The following EFL1 variants were observed in gnomAD, a reference collection of about 807,000 sequenced individuals.
The protein encoded by EFL1 is elongation factor like GTPase 1.
In EFL1, 76 loss-of-function variants were observed where a neutral mutation model predicts 126.7. That is an observed-to-expected ratio of 0.60 (90% CI 0.50 to 0.73). The LOEUF is 0.73. Ranked by LOEUF, EFL1 falls within the 30% of genes least tolerant of loss-of-function variation. The pLI, the probability that EFL1 is intolerant of heterozygous loss-of-function variation, is 0.00. For synonymous variants in EFL1, 410 were observed against 448.4 expected (o/e 0.91, Z 1.08); for missense variants, 1,128 against 1,343.2 (o/e 0.84, Z 2.50).
chr15:82,130,995 A>AC (rs1384653849), intron 19 of EFL1, among the ~76,000 whole-genome samples: 3 of 152,122 alleles, frequency 2.0e-5, no homozygotes, highest in Non-Finnish European at 2.9e-5. Flanking sequence ...AGCCTGGGCG[A>AC]CAGAGTGAGG....
intron 18 of EFL1, among the ~76,000 whole-genome samples, chr15:82,147,026 G>A (rs140975219): frequency 1.2e-4 from 18 of 152,206 alleles, no homozygotes; most frequent in Non-Finnish European, 1.8e-4. Flanking sequence ...GTCACATGCC[G>A]TGTCCAGGTG....
At chr15:82,207,192 T>C (rs753829879) in intron 15 of EFL1, among the ~76,000 whole-genome samples, 1 of 151,410 alleles carries the variant, frequency 6.6e-6, no homozygotes, top group Non-Finnish European at 1.5e-5. Context: ...ATTTTAAAAA[T>C]TAACCTAGTA....
rs772190046 is a variant in EFL1, at chr15:82,138,693, G to A, written c.3139C>T (p.Leu1047=). 1 of 1,613,964 alleles carries A rather than the reference G, an allele frequency of 6.2e-7. No homozygotes were observed. ...CTGAATACTAGTTGTGGGCTGGCCAGGCCACTTGTCCTCTTCCTGATTTCA... is the reference window on the plus strand; with the variant it reads ...CTGAATACTAGTTGTGGGCTGGCCAAGCCACTTGTCCTCTTCCTGATTTCA... ...ADEIRKRTSG[L]ASPQLVFSHW... is the part of the protein sequence containing the mutation. The change falls in exon 19 of 20, where the codon CTG becomes TTG. Residue 1047 remains leucine (L), a synonymous_variant. Coordinates refer to ENST00000268206, the MANE Select transcript of EFL1 (RefSeq NM_024580.6).
intron 18 of EFL1, among the ~76,000 whole-genome samples, chr15:82,150,120 A>G (rs2073891694): frequency 6.6e-6 from 1 of 152,208 alleles, no homozygotes; most frequent in Non-Finnish European, 1.5e-5. Context: ...ACTGTATATG[A>G]CATGCTGTAT....
chr15:82,175,739 G>C (rs1462734301), intron 15 of EFL1, among the ~76,000 whole-genome samples: 1 of 152,088 alleles, frequency 6.6e-6, no homozygotes, highest in Non-Finnish European at 1.5e-5. Context: ...TGTAATCCCA[G>C]CTACTCGGAA....
chr15:82,132,586 T>C (rs2073664113), intron 19 of EFL1, among the ~76,000 whole-genome samples: 1 of 147,006 alleles, frequency 6.8e-6, no homozygotes, highest in Non-Finnish European at 1.5e-5. Flanking sequence ...GTAATAACTC[T>C]GGTGGGTGAC....
chr15:82,165,152 C>A (rs1309158902), intron 15 of EFL1, among the ~76,000 whole-genome samples: 1 of 151,956 alleles, frequency 6.6e-6, no homozygotes, highest in African/African-American at 2.4e-5. Flanking sequence ...GTCTATAGTC[C>A]CAGGTACTTG....
intron 15 of EFL1, among the ~76,000 whole-genome samples, chr15:82,197,878 T>G (rs2074424463): frequency 6.6e-6 from 1 of 152,034 alleles, no homozygotes; most frequent in Non-Finnish European, 1.5e-5. Context: ...CCTGCCTGCC[T>G]ACCTGCTGCC....
intron 6 of EFL1, among the ~76,000 whole-genome samples, chr15:82,239,405 G>C (rs1359849127): frequency 1.3e-5 from 2 of 152,080 alleles, no homozygotes; most frequent in Non-Finnish European, 2.9e-5. Flanking sequence ...CAAAGCGCTG[G>C]GATTACAGGT....
chr15:82,148,765 TGCC>T, intron 18 of EFL1, among the ~76,000 whole-genome samples: 1 of 152,186 alleles, frequency 6.6e-6, no homozygotes, highest in East Asian at 1.9e-4. Context: ...GTAAGGTAGG[TGCC>T]AGACTATAGG....
Position 82,151,960 on chromosome 15 carries a change from C to T in EFL1, c.2494G>A (p.Gly832Arg), listed in dbSNP as rs765475176. The change falls in exon 18 of 20, where the codon GGG (glycine) becomes AGG (arginine). Residue 832 changes from glycine (G) to arginine (R), a missense_variant. Coordinates refer to ENST00000268206, the MANE Select transcript of EFL1 (RefSeq NM_024580.6). ...CTTTTATTGACTAGTATGTTGGGCC[C>T]ACATTTTCTTGGGCCAAATGACCAG... ...QIWSFGPRKC[G>R]PNILVNKSED... 4 of 1,613,996 alleles carry T rather than the reference C, an allele frequency of 2.5e-6. No individual in the cohort carries two copies. In the South Asian group the frequency reaches 3.3e-5, roughly 13 times the overall value.
At chr15:82,170,934 C>A (rs2074129045) in intron 15 of EFL1, among the ~76,000 whole-genome samples, 1 of 152,164 alleles carries the variant, frequency 6.6e-6, no homozygotes, top group Non-Finnish European at 1.5e-5. Context: ...ACACAAGATT[C>A]AGTAAGTCAG....
intron 4 of EFL1, among the ~76,000 whole-genome samples, chr15:82,246,391 T>A (rs2074973090): frequency 6.6e-6 from 1 of 152,104 alleles, no homozygotes; most frequent in Admixed American, 6.5e-5. Flanking sequence ...AGCATCACCC[T>A]GGAGAGAAGG....
intron 15 of EFL1, among the ~76,000 whole-genome samples, chr15:82,188,878 A>T (rs1162815931): frequency 2.0e-5 from 3 of 150,158 alleles, no homozygotes; most frequent in Admixed American, 2.0e-4. Context: ...ATCAATGGTA[A>T]AGTTTGTGAG....
At position 82,184,288 on chromosome 15, in the gene EFL1, G is replaced by GGTAA. The variant is rs199903027; in HGVS notation, c.1751-20308_1751-20305dup. Among the ~76,000 whole-genome samples, 839 of 152,194 alleles carry GGTAA rather than the reference G, an allele frequency of 5.5e-3. 14 individuals carry two copies. The highest frequency in any genetic ancestry group is 0.02 in the African/African-American group (811 of 41,510). On this transcript the variant is annotated intron_variant, in intron 15 of 19. Transcript: ENST00000268206. ...CCACAGGAAAACTGCAGAAGCATGA[G>GGTAA]GTAAGTAATAAAGCAAGTTCAAACC...
At chr15:82,158,471 T>C (rs147607610) in intron 16 of EFL1, among the ~76,000 whole-genome samples, 2 of 152,294 alleles carry the variant, frequency 1.3e-5, no homozygotes, top group Non-Finnish European at 1.5e-5. Flanking sequence ...ACCTACATCT[T>C]GGGTTTAGCT....
intron 15 of EFL1, among the ~76,000 whole-genome samples, chr15:82,196,693 T>C (rs1159154943): frequency 6.6e-6 from 1 of 152,222 alleles, no homozygotes; most frequent in Admixed American, 6.5e-5. Flanking sequence ...TGGTACTAAA[T>C]AAACGTTGGT....
At chr15:82,156,965 T>C (rs2073974935) in intron 17 of EFL1, among the ~76,000 whole-genome samples, 1 of 152,210 alleles carries the variant, frequency 6.6e-6, no homozygotes, top group South Asian at 2.1e-4. Flanking sequence ...TTGCTAGTTA[T>C]AATGTAAATT....
chr15:82,156,297 A>T (rs1266177774), intron 17 of EFL1, among the ~76,000 whole-genome samples: 1 of 151,590 alleles, frequency 6.6e-6, no homozygotes, highest in African/African-American at 2.4e-5. Context: ...CAGTTATTCT[A>T]TTTTTTTTGA....
Sources: gnomAD v4.1 joint callset for allele counts (sites outside exome capture counted in the v4.1 genomes callset) on GRCh38, gnomAD v4.1.1 for gene constraint, MANE v1.5 for transcripts, NCBI Gene and HGNC (gene_info 2026-07-23, HGNC 2026-07-21) for gene names.